Variants in MTAP observed in about 807,000 individuals in gnomAD.
MTAP encodes S-methyl-5'-thioadenosine phosphorylase.
MTAP carries 33 observed loss-of-function variants against 33.6 expected under a neutral mutation model. That is an observed-to-expected ratio of 0.98 (90% CI 0.74 to 1.31). The LOEUF is 1.31. Ranked by LOEUF, MTAP falls within the 40% of genes most tolerant of loss-of-function variation. The pLI, the probability that MTAP is intolerant of heterozygous loss-of-function variation, is 0.00. For missense variants in MTAP, 367 were observed against 360.0 expected, an observed-to-expected ratio of 1.02 and a Z score of -0.16; for synonymous variants, 148 against 125.7, an observed-to-expected ratio of 1.18 and a Z score of -1.19.
At position 21,864,501 on chromosome 9, in the gene MTAP, T is replaced by C. The variant is rs1048557338; in HGVS notation, c.*2487T>C. 1 of 985,316 alleles carries C rather than the reference T, an allele frequency of 1.0e-6. No homozygotes were observed. The highest frequency in any genetic ancestry group is 1.7e-5 in the African/African-American group (1 of 57,232). 61.0% of individuals were successfully genotyped at this position (985,316 alleles called of 1,614,324 possible). ...AGTGATTAATAGATTTGCATGTACA[T>C]AGAAGTCTTTGTTGGCCTTATAATC... On this transcript the variant is annotated 3_prime_UTR_variant, in exon 8 of 8. Coordinates refer to ENST00000644715, the MANE Select transcript of MTAP (RefSeq NM_002451.4).
intron 1 of MTAP, among the ~76,000 whole-genome samples, chr9:21,804,609 G>T (rs375199331): frequency 6.6e-6 from 1 of 152,144 alleles, no homozygotes; most frequent in Non-Finnish European, 1.5e-5. Flanking sequence ...TGCCAGCACC[G>T]TATTCCCCAG....
chr9:21,814,768 A>G (rs992533502), intron 1 of MTAP, among the ~76,000 whole-genome samples: 1 of 152,238 alleles, frequency 6.6e-6, no homozygotes, highest in Admixed American at 6.5e-5. Flanking sequence ...TGAGTAATAT[A>G]CATGAGTATG....
At chr9:21,897,074 A>G (rs1026432894) in intron 1 of MTAP, among the ~76,000 whole-genome samples, 1 of 152,258 alleles carries the variant, frequency 6.6e-6, no homozygotes, top group Non-Finnish European at 1.5e-5. Flanking sequence ...GGCTGGTTCA[A>G]CATATGCAAA....
At chr9:21,907,803 G>A (rs764932802) in intron 1 of MTAP, among the ~76,000 whole-genome samples, 10 of 151,558 alleles carry the variant, frequency 6.6e-5, no homozygotes, top group Non-Finnish European at 1.3e-4. Flanking sequence ...AGCCTTTTAG[G>A]ACATTTTAAG....
At chr9:21,826,080 A>G (rs1428703725) in intron 4 of MTAP, among the ~76,000 whole-genome samples, 5 of 151,802 alleles carry the variant, frequency 3.3e-5, no homozygotes, top group South Asian at 2.1e-4. Context: ...TTTTTTTCCT[A>G]TCTATAGGCT....
rs146095448 is a variant in MTAP at position 21,862,671 on chromosome 9, T to C, written c.*657T>C. On this transcript the variant is annotated 3_prime_UTR_variant, in exon 8 of 8. Transcript: ENST00000644715. The stretch of plus-strand genomic sequence containing the variant: ...TGAATCAGCCAACTGAAAATCCTTT[T>C]TGCATATTTCAATGTCCTAAAAAGA... 1,914 of 152,722 alleles carry C rather than the reference T, an allele frequency of 0.013. 44 individuals are homozygous for C. Among genetic ancestry groups the C allele is most frequent in the African/African-American group, 0.042 (1,763 of 41,578 alleles). 9.5% of individuals were successfully genotyped at this position (152,722 alleles called of 1,614,324 possible).
At chr9:21,869,018 C>T (rs1825896434), downstream of MTAP, among the ~76,000 whole-genome samples, 1 of 152,146 alleles carries the variant, frequency 6.6e-6, no homozygotes, top group Admixed American at 6.5e-5. Flanking sequence ...GACCCCATAC[C>T]TCACACCTAG....
intron 1 of MTAP, among the ~76,000 whole-genome samples, chr9:21,889,350 G>C (rs1359013468): frequency 6.6e-6 from 1 of 151,452 alleles, no homozygotes; most frequent in Non-Finnish European, 1.5e-5. Context: ...ACCTTCTTCA[G>C]TAGCTTAATA....
At chr9:21,885,252 T>C (rs1052001483) in intron 1 of MTAP, among the ~76,000 whole-genome samples, 1 of 152,128 alleles carries the variant, frequency 6.6e-6, no homozygotes, top group African/African-American at 2.4e-5. Flanking sequence ...GAAGGAATAA[T>C]CCTAATTTAT....
intron 1 of MTAP, among the ~76,000 whole-genome samples, chr9:21,925,755 T>A (rs1383389877): frequency 8.1e-6 from 1 of 123,428 alleles, no homozygotes; most frequent in Non-Finnish European, 1.5e-5. Context: ...GGCCCGCCAC[T>A]CCAGCAGCTC....
At chr9:21,931,601 C>T (rs1365754010), downstream of MTAP, 1 of 159,376 alleles carries the variant, frequency 6.3e-6, no homozygotes, top group Non-Finnish European at 1.4e-5. Flanking sequence ...GGTATACAGA[C>T]TTCCTCTAAA....
Position 21,863,608 on chromosome 9 carries a change from G to A in MTAP, c.*1594G>A. 1.0e-6 allele frequency: 1 copy of A among 967,204 alleles called. No individual in the cohort carries two copies. The highest frequency in any genetic ancestry group is 1.2e-6 in the Non-Finnish European group (1 of 822,782). 59.9% of individuals were successfully genotyped at this position (967,204 alleles called of 1,614,324 possible). On this transcript the variant is annotated 3_prime_UTR_variant, in exon 8 of 8. Transcript: ENST00000644715. ...ACTGCACTCCAGCCTGGGCAACAGA[G>A]TAAGACTCAGTCTCAAAAAAAAAAA...
intron 1 of MTAP, among the ~76,000 whole-genome samples, chr9:21,872,313 A>T (rs550519665): frequency 1.3e-5 from 2 of 152,254 alleles, no homozygotes; most frequent in East Asian, 3.9e-4. Context: ...GAAAAACTCC[A>T]TCTCAAAACA....
At chr9:21,876,745 C>T (rs1025631365) in intron 1 of MTAP, among the ~76,000 whole-genome samples, 1 of 152,052 alleles carries the variant, frequency 6.6e-6, no homozygotes, top group Non-Finnish European at 1.5e-5. Flanking sequence ...TCTACCAGTA[C>T]TATGCTGTTT....
At chr9:21,915,054 TCC>T (rs1491556943) in intron 1 of MTAP, among the ~76,000 whole-genome samples, 1 of 101,672 alleles carries the variant, frequency 9.8e-6, no homozygotes, top group African/African-American at 4.8e-5. Flanking sequence ...CTTCCTTCCT[TCC>T]TTTCTTTCTT....
downstream of MTAP, chr9:21,931,467 G>A: frequency 3.1e-6 from 1 of 320,750 alleles, no homozygotes; most frequent in Non-Finnish European, 5.7e-6. Context: ...AGCAGGGAAA[G>A]ACAATCTCCC....
chr9:21,802,903 A>AGGGACTGGGGCGCGGCACTC, intron 1 of MTAP, 122 bp downstream of exon 1: 1 of 1,472,288 alleles, frequency 6.8e-7, no homozygotes, highest in Non-Finnish European at 8.9e-7. Context: ...CGCCGCGGGG[A>AGGGACTGGGGCGCGGCACTC]GGGACTGGGG....
At position 21,810,237 on chromosome 9, in the gene MTAP, A is replaced by G. The variant is rs573384619; in HGVS notation, c.34-5196A>G. ...CAGTCTGCTTGGCTTGTACATGGCA[A>G]TGTTCTCCATTTGTCTTCACAGGGT... On this transcript the variant is annotated intron_variant, in intron 1 of 7. Coordinates refer to ENST00000644715, the MANE Select transcript of MTAP (RefSeq NM_002451.4). Among the ~76,000 whole-genome samples, 148 of 152,208 alleles carry G rather than the reference A, an allele frequency of 9.7e-4. 1 individual carries two copies. Among genetic ancestry groups the G allele is most frequent in the African/African-American group, 3.5e-3 (146 of 41,512 alleles).
Position 21,863,872 on chromosome 9 carries a change from TAG to T in MTAP, c.*1859_*1860del. On this transcript the variant is annotated 3_prime_UTR_variant, in exon 8 of 8. Transcript: ENST00000644715. ...ACCCTCCAGTATTAATATGACTCAT[TAG>T]TGTGAGCCATTTGGGTCAAGTATGA... 2 of 985,786 alleles carry T rather than the reference TAG, an allele frequency of 2.0e-6. No homozygotes were observed. Among genetic ancestry groups the T allele is most frequent in the Non-Finnish European group, 2.4e-6 (2 of 829,898 alleles). 61.1% of individuals were successfully genotyped at this position (985,786 alleles called of 1,614,324 possible).
Sources: allele counts gnomAD v4.1 joint callset (sites outside exome capture counted in the v4.1 genomes callset), GRCh38; gene constraint gnomAD v4.1.1; transcripts MANE v1.5; gene names NCBI Gene and HGNC (gene_info 2026-07-23, HGNC 2026-07-21).